The following AGMO variants were observed in gnomAD, a reference collection of about 807,000 sequenced individuals.
The protein encoded by AGMO is glyceryl-ether monooxygenase.
A neutral mutation model predicts 60.2 loss-of-function variants in AGMO; 75 were observed. The observed-to-expected ratio is 1.25, with a 90% CI of 1.03 to 1.51. The LOEUF (loss-of-function observed/expected upper bound fraction) is 1.51, where lower values mean the gene tolerates loss of function less well. AGMO is among the 40% of genes most tolerant of loss of function. The probability of loss-of-function intolerance (pLI) is 0.00; values close to 1 mark genes in which losing one functional copy is unlikely to be tolerated. For missense variants in AGMO, 763 were observed against 525.5 expected (o/e 1.45, Z -4.42); for synonymous variants, 261 against 177.1 (o/e 1.47, Z -3.76).
intron 5 of AGMO, among the ~76,000 whole-genome samples, chr7:15,394,589 A>C (rs59926519): frequency 6.6e-6 from 1 of 152,194 alleles, no homozygotes; most frequent in African/African-American, 2.4e-5. Flanking sequence ...ACTATCACCA[A>C]GGCACACTAC....
chr7:15,127,284 A>G, the AGMO span, among the ~76,000 whole-genome samples: 2 of 152,140 alleles, frequency 1.3e-5, no homozygotes, highest in Non-Finnish European at 2.9e-5. Flanking sequence ...GACTCTTTTC[A>G]TCAACAAACA....
intron 12 of AGMO, among the ~76,000 whole-genome samples, chr7:15,349,492 G>A (rs747493587): frequency 2.5e-4 from 38 of 152,100 alleles, no homozygotes; most frequent in Non-Finnish European, 4.6e-4. Flanking sequence ...TATTCCCTCC[G>A]TTTTGTTTCT....
intron 12 of AGMO, chr7:15,358,422 G>C (rs1409044798): frequency 1.5e-5 from 7 of 471,084 alleles, no homozygotes; most frequent in Non-Finnish European, 3.1e-5. Context: ...AGATTGCAGA[G>C]TTGGAAGACA....
At chr7:15,212,871 T>C (rs1033401191) in intron 12 of AGMO, among the ~76,000 whole-genome samples, 3 of 151,988 alleles carry the variant, frequency 2.0e-5, no homozygotes, top group African/African-American at 7.2e-5. Flanking sequence ...TGTTGCAATG[T>C]TCAATTTAAA....
At chr7:15,286,754 T>A (rs777274380) in intron 12 of AGMO, among the ~76,000 whole-genome samples, 19 of 152,038 alleles carry the variant, frequency 1.2e-4, no homozygotes, top group Non-Finnish European at 2.8e-4. Context: ...AGATATTATA[T>A]CAAAAAGACA....
chr7:15,214,269 C>T (rs1781673266), intron 12 of AGMO, among the ~76,000 whole-genome samples: 3 of 151,904 alleles, frequency 2.0e-5, no homozygotes, highest in Admixed American at 1.3e-4. Context: ...ATCTTTGTAG[C>T]TGAAAATGTG....
At chr7:15,506,415 C>T (rs1231926581) in intron 3 of AGMO, among the ~76,000 whole-genome samples, 1 of 152,026 alleles carries the variant, frequency 6.6e-6, no homozygotes, top group Non-Finnish European at 1.5e-5. Context: ...AACAGTACAG[C>T]ACTTGCCCTC....
intron 12 of AGMO, among the ~76,000 whole-genome samples, chr7:15,347,067 C>A (rs940703900): frequency 1.3e-5 from 2 of 152,022 alleles, no homozygotes; most frequent in Non-Finnish European, 1.5e-5. Flanking sequence ...AATGTAGGTA[C>A]TACATTAAAA....
intron 10 of AGMO, among the ~76,000 whole-genome samples, chr7:15,373,863 G>A (rs113712279): frequency 1.3e-5 from 2 of 152,118 alleles, no homozygotes; most frequent in African/African-American, 2.4e-5. Context: ...GTCTACAAAA[G>A]TTATTATTTT....
At chr7:15,287,877 A>G (rs1752470354) in intron 12 of AGMO, among the ~76,000 whole-genome samples, 2 of 152,284 alleles carry the variant, frequency 1.3e-5, no homozygotes, top group South Asian at 2.1e-4. Flanking sequence ...TAACCTTTTC[A>G]ATTACTGGCA....
At chr7:15,546,392 G>A (rs982892749) in intron 2 of AGMO, among the ~76,000 whole-genome samples, 3 of 152,170 alleles carry the variant, frequency 2.0e-5, no homozygotes, top group Non-Finnish European at 4.4e-5. Flanking sequence ...TTGACCCAAA[G>A]GACTCATCCT....
chr7:15,288,534 A>G (rs1784164924), intron 12 of AGMO, among the ~76,000 whole-genome samples: 1 of 152,136 alleles, frequency 6.6e-6, no homozygotes, highest in Non-Finnish European at 1.5e-5. Flanking sequence ...TTATAAAGGC[A>G]GAGTCTTTCA....
At chr7:15,547,036 T>C (rs1784801021) in intron 2 of AGMO, among the ~76,000 whole-genome samples, 1 of 152,204 alleles carries the variant, frequency 6.6e-6, no homozygotes, top group Non-Finnish European at 1.5e-5. Context: ...TATACTTCAA[T>C]ATAACAATTT....
chr7:15,188,492 G>A, the AGMO span, among the ~76,000 whole-genome samples: 7 of 152,196 alleles, frequency 4.6e-5, no homozygotes, highest in Non-Finnish European at 7.4e-5. Flanking sequence ...TGTCAATAAG[G>A]ACATGAGTCT....
intron 5 of AGMO, among the ~76,000 whole-genome samples, chr7:15,415,024 C>G (rs566832781): frequency 6.6e-6 from 1 of 152,194 alleles, no homozygotes; most frequent in Admixed American, 6.5e-5. Context: ...AGTTAAAACT[C>G]TGAAATTTTC....
the AGMO span, among the ~76,000 whole-genome samples, chr7:15,182,911 C>A: frequency 1.3e-5 from 2 of 151,992 alleles, no homozygotes; most frequent in Non-Finnish European, 2.9e-5. Flanking sequence ...TAAGGCCATA[C>A]AGGAGGAAGA....
At chr7:15,455,087 A>G (rs1034170857) in intron 3 of AGMO, among the ~76,000 whole-genome samples, 1 of 138,122 alleles carries the variant, frequency 7.2e-6, no homozygotes, top group Non-Finnish European at 1.6e-5. Flanking sequence ...TTTCTCACAC[A>G]CACACACACA....
chr7:15,391,028 G>C, intron 6 of AGMO, 123 bp from the exon 7 acceptor site: 1 of 588,538 alleles, frequency 1.7e-6, no homozygotes. Flanking sequence ...AATTTCCCTG[G>C]GAATGTCTTC....
Position 15,474,880 on chromosome 7 carries a change from G to A in AGMO, c.410-43772C>T, listed in dbSNP as rs544981627. Among the ~76,000 whole-genome samples, 12 of 152,044 alleles carry A rather than the reference G, an allele frequency of 7.9e-5. No homozygotes were observed. The East Asian group carries it at 9.7e-4, about 12-fold the overall frequency. ...AAAACAACCCCATCAACAAGTGGGCGAAGAATATGGACAGACACGTCTCAA... is the reference window on the plus strand; with the variant it reads ...AAAACAACCCCATCAACAAGTGGGCAAAGAATATGGACAGACACGTCTCAA... On this transcript the variant is annotated intron_variant, in intron 3 of 12. Transcript: ENST00000342526.
Sources: allele counts gnomAD v4.1 joint callset (sites outside exome capture counted in the v4.1 genomes callset), GRCh38; gene constraint gnomAD v4.1.1; transcripts MANE v1.5; gene names NCBI Gene and HGNC (gene_info 2026-07-23, HGNC 2026-07-21).